Variants in TADA2A observed in about 807,000 individuals in gnomAD.
The protein encoded by TADA2A is transcriptional adapter 2-alpha.
TADA2A carries 38 observed loss-of-function variants against 67.4 expected under a neutral mutation model. That is an observed-to-expected ratio of 0.56 (90% confidence interval 0.44 to 0.74). TADA2A has a LOEUF of 0.74. Ranked by LOEUF, TADA2A falls within the 30% of genes least tolerant of loss-of-function variation. The pLI, the probability that TADA2A is intolerant of heterozygous loss-of-function variation, is 0.00. For missense variants in TADA2A, 454 were observed against 547.0 expected (o/e 0.83, Z 1.70); for synonymous variants, 192 against 181.6 (o/e 1.06, Z -0.46).
intron 14 of TADA2A, among the ~76,000 whole-genome samples, chr17:37,473,827 C>G (rs771028785): frequency 2.6e-5 from 4 of 152,176 alleles, no homozygotes; most frequent in Non-Finnish European, 5.9e-5. Flanking sequence ...TTGGAAGGAA[C>G]AGATATTCCC....
intron 11 of TADA2A, among the ~76,000 whole-genome samples, chr17:37,466,387 T>C (rs2053665580): frequency 6.6e-6 from 1 of 152,192 alleles, no homozygotes; most frequent in Non-Finnish European, 1.5e-5. Context: ...ACCACTGCAC[T>C]CCAGCCTGAG....
intron 2 of TADA2A, among the ~76,000 whole-genome samples, chr17:37,414,803 A>G (rs1219316470): frequency 6.6e-6 from 1 of 151,936 alleles, no homozygotes; most frequent in Admixed American, 6.6e-5. Flanking sequence ...GTACTTACCA[A>G]CTTCATTGTT....
At chr17:37,422,188 G>A (rs969336046) in intron 2 of TADA2A, among the ~76,000 whole-genome samples, 1 of 145,582 alleles carries the variant, frequency 6.9e-6, no homozygotes, top group Non-Finnish European at 1.5e-5. Flanking sequence ...TGGGATTACA[G>A]GTGTGCACCA....
chr17:37,435,105 G>T (rs2052682817), intron 4 of TADA2A, among the ~76,000 whole-genome samples: 1 of 152,122 alleles, frequency 6.6e-6, no homozygotes, highest in Admixed American at 6.5e-5. Context: ...AATTAGCCAG[G>T]TGTGGTGGCA....
chr17:37,467,606 A>ATT, intron 12 of TADA2A, 81 bp downstream of exon 12: 1 of 1,274,854 alleles, frequency 7.8e-7, no homozygotes, highest in Non-Finnish European at 1.1e-6. Context: ...ATTGTTGTGA[A>ATT]TTTTTTTTTA....
At chr17:37,411,457 C>G in intron 2 of TADA2A, 67 bp downstream of exon 2, 1 of 1,456,256 alleles carries the variant, frequency 6.9e-7, no homozygotes, top group Non-Finnish European at 9.6e-7. Flanking sequence ...GACTCTCCCT[C>G]TGTTGCCCAG....
At chr17:37,447,077 A>T (rs1014120452) in intron 8 of TADA2A, among the ~76,000 whole-genome samples, 1 of 152,216 alleles carries the variant, frequency 6.6e-6, no homozygotes, top group Non-Finnish European at 1.5e-5. Flanking sequence ...ATTAATCTTT[A>T]TACATAGTTA....
intron 8 of TADA2A, among the ~76,000 whole-genome samples, chr17:37,452,900 G>A (rs2053272601): frequency 6.6e-6 from 1 of 152,130 alleles, no homozygotes; most frequent in African/African-American, 2.4e-5. Context: ...GAACTTGTTA[G>A]AAATGAACAA....
At chr17:37,437,929 G>C in intron 5 of TADA2A, 100 bp downstream of exon 5, 2 of 1,127,842 alleles carry the variant, frequency 1.8e-6, no homozygotes, top group South Asian at 2.6e-5. Context: ...GAAAGTATGT[G>C]TTGCTTTCCT....
chr17:37,448,277 A>C (rs772681940), intron 8 of TADA2A, among the ~76,000 whole-genome samples: 2 of 152,106 alleles, frequency 1.3e-5, no homozygotes, highest in Non-Finnish European at 2.9e-5. Context: ...AATTTGTTTA[A>C]TAAATTTGGT....
intron 7 of TADA2A, among the ~76,000 whole-genome samples, chr17:37,443,411 G>C (rs2052980815): frequency 6.6e-6 from 1 of 152,046 alleles, no homozygotes; most frequent in Admixed American, 6.6e-5. Flanking sequence ...CTGCCACCAT[G>C]CCTGGCTAAT....
Position 37,416,820 on chromosome 17 carries a change from G to A in TADA2A, c.25+5430G>A, listed in dbSNP as rs1279802913. The stretch of plus-strand genomic sequence containing the variant: ...GCAGAAGTTGCAGTGAGCCAAGATC[G>A]CACCACTACACTCCAGCCTTCCAGC... On this transcript the variant is annotated intron_variant, in intron 2 of 15. Transcript: ENST00000615182. Among the ~76,000 whole-genome samples the A allele has an allele frequency of 4.0e-5, 6 of 150,950 alleles. No homozygotes were observed. The South Asian group carries it at 6.3e-4, about 16-fold the overall frequency.
At chr17:37,470,898 T>C (rs2053773424) in intron 13 of TADA2A, among the ~76,000 whole-genome samples, 196 bp from the exon 14 acceptor site, 1 of 152,170 alleles carries the variant, frequency 6.6e-6, no homozygotes, top group Admixed American at 6.6e-5. Flanking sequence ...TTAACAAATC[T>C]GAGGAATTTT....
intron 2 of TADA2A, among the ~76,000 whole-genome samples, chr17:37,418,314 T>C (rs1343077857): frequency 2.6e-5 from 4 of 152,216 alleles, no homozygotes; most frequent in Non-Finnish European, 2.9e-5. Context: ...TTTATTAGAA[T>C]GTATTGAGCA....
At chr17:37,445,573 G>A (rs575960803) in intron 8 of TADA2A, among the ~76,000 whole-genome samples, 15 of 152,248 alleles carry the variant, frequency 9.9e-5, no homozygotes, top group Non-Finnish European at 1.6e-4. Flanking sequence ...CCCCAGCATT[G>A]CTGAATTCTA....
intron 7 of TADA2A, among the ~76,000 whole-genome samples, chr17:37,443,254 CT>C (rs965371949): frequency 2.6e-3 from 371 of 141,246 alleles, no homozygotes; most frequent in Admixed American, 3.4e-3. Flanking sequence ...TAGTCTGGTT[CT>C]TTTTTTTTTT....
intron 5 of TADA2A, among the ~76,000 whole-genome samples, chr17:37,440,037 G>A (rs1476345715): frequency 2.0e-5 from 3 of 150,664 alleles, no homozygotes; most frequent in Non-Finnish European, 4.4e-5. Context: ...TTTGCCTCCT[G>A]GGTTCAAGCA....
At chr17:37,465,158 A>G (rs1190757735) in intron 10 of TADA2A, among the ~76,000 whole-genome samples, 1 of 152,020 alleles carries the variant, frequency 6.6e-6, no homozygotes, top group Non-Finnish European at 1.5e-5. Flanking sequence ...AAAAAAAAAA[A>G]AGACAGTAGA....
At chr17:37,432,175 T>A (rs924493794) in intron 4 of TADA2A, among the ~76,000 whole-genome samples, 1 of 85,834 alleles carries the variant, frequency 1.2e-5, no homozygotes, top group African/African-American at 4.0e-5. Flanking sequence ...TATTTATTTA[T>A]TTTTTTTTTG....
Sources: allele counts gnomAD v4.1 joint callset (sites outside exome capture counted in the v4.1 genomes callset), GRCh38; gene constraint gnomAD v4.1.1; transcripts MANE v1.5; gene names NCBI Gene and HGNC (gene_info 2026-07-23, HGNC 2026-07-21).